Variants in ARHGAP17 observed in about 807,000 individuals in gnomAD.
ARHGAP17 encodes the protein rho GTPase-activating protein 17.
Under a neutral mutation model 99.5 loss-of-function variants are expected in ARHGAP17, and 57 were observed. The ratio of observed to expected loss-of-function variants is 0.57; its 90% CI spans 0.46 to 0.71. The LOEUF is 0.71. Ranked by LOEUF, ARHGAP17 falls within the 30% of genes least tolerant of loss-of-function variation. The probability of loss-of-function intolerance (pLI) is 0.00; values close to 1 mark genes in which losing one functional copy is unlikely to be tolerated. For missense variants in ARHGAP17, 1,000 were observed against 1,122.4 expected, an observed-to-expected ratio of 0.89 and a Z score of 1.56; for synonymous variants, 417 against 429.6, an observed-to-expected ratio of 0.97 and a Z score of 0.36.
At chr16:25,008,846 T>TC (rs35017622) in intron 1 of ARHGAP17, among the ~76,000 whole-genome samples, 6 of 152,168 alleles carry the variant, frequency 3.9e-5, no homozygotes, top group African/African-American at 1.2e-4. Flanking sequence ...GTTCATTTCT[T>TC]CCCCCCAGTA....
In ARHGAP17 at chr16:24,979,010, G is replaced by A; in HGVS notation, c.54-5C>T. 6.3e-7 allele frequency: 1 copy of A among 1,579,064 alleles called. No individual in the cohort carries two copies. Among genetic ancestry groups the A allele is most frequent in the South Asian group, 1.2e-5 (1 of 85,014 alleles). The stretch of plus-strand genomic sequence containing the variant: ...AGGACTTCTGTTTTCTCAGCTCTGT[G>A]GGAAAAATTAAAAATTCAGAGTTAG... On this transcript the variant is annotated splice_polypyrimidine_tract_variant and splice_region_variant and intron_variant, in intron 1 of 19. Coordinates refer to ENST00000289968, the MANE Select transcript of ARHGAP17 (RefSeq NM_001006634.3).
intron 7 of ARHGAP17, among the ~76,000 whole-genome samples, chr16:24,960,821 A>G (rs80140154): frequency 7.0e-4 from 103 of 146,268 alleles, no homozygotes; most frequent in African/African-American, 1.4e-3. Context: ...GTCTCCAAAG[A>G]AAAAAAAAAA....
At chr16:24,954,534 G>C in intron 10 of ARHGAP17, 69 bp downstream of exon 10, 1 of 1,544,744 alleles carries the variant, frequency 6.5e-7, no homozygotes, top group South Asian at 1.3e-5. Context: ...GGCTGGCGGG[G>C]AGCATGGTGC....
intron 3 of ARHGAP17, among the ~76,000 whole-genome samples, chr16:24,972,937 A>AT (rs11335814): frequency 0.033 from 4,842 of 147,476 alleles, 268 homozygotes; most frequent in African/African-American, 0.11. Flanking sequence ...ATCAGGGATA[A>AT]TTTTTTTTTT....
At chr16:24,926,134 A>AAAGAG (rs745544954) in intron 19 of ARHGAP17, among the ~76,000 whole-genome samples, 3,038 of 151,082 alleles carry the variant, frequency 0.02, 73 homozygotes, top group African/African-American at 0.059. Flanking sequence ...AAAGAAAAGA[A>AAAGAG]AAGAGAAGAG....
chr16:24,982,650 C>G (rs1257524292), intron 1 of ARHGAP17, among the ~76,000 whole-genome samples: 1 of 152,088 alleles, frequency 6.6e-6, no homozygotes, highest in Non-Finnish European at 1.5e-5. Flanking sequence ...TCTCCCTCAT[C>G]ACTGTGACTG....
rs191609057 is a variant in ARHGAP17, at chr16:24,930,258, T to C, written c.2515+526A>G. On this transcript the variant is annotated intron_variant, in intron 19 of 19. Transcript: ENST00000289968. ...AGATCTCCCTTCTGGAGCATTCAATTTGGCATAAATCATGTTTTTTAAAGT... is the reference window on the plus strand; with the variant it reads ...AGATCTCCCTTCTGGAGCATTCAATCTGGCATAAATCATGTTTTTTAAAGT... Among the ~76,000 whole-genome samples, 5 of 152,330 alleles carry C rather than the reference T, an allele frequency of 3.3e-5. No homozygotes were observed. The East Asian group carries it at 9.6e-4, about 29-fold the overall frequency.
intron 1 of ARHGAP17, among the ~76,000 whole-genome samples, chr16:25,013,507 A>C (rs918129252): frequency 6.6e-6 from 1 of 152,080 alleles, no homozygotes; most frequent in African/African-American, 2.4e-5. Context: ...TGTAGTTCCA[A>C]CCACATAGGT....
chr16:24,999,708 A>G (rs994625881), intron 1 of ARHGAP17, among the ~76,000 whole-genome samples: 1 of 152,142 alleles, frequency 6.6e-6, no homozygotes, highest in Non-Finnish European at 1.5e-5. Flanking sequence ...TGGGAGTCGC[A>G]TGTCCCACCT....
chr16:24,978,216 G>A, intron 2 of ARHGAP17, among the ~76,000 whole-genome samples: 1 of 152,150 alleles, frequency 6.6e-6, no homozygotes, highest in East Asian at 1.9e-4. Flanking sequence ...ATTTAATTTT[G>A]ATTCCAATTT....
chr16:24,988,262 A>G (rs2052933367), intron 1 of ARHGAP17, among the ~76,000 whole-genome samples: 1 of 152,226 alleles, frequency 6.6e-6, no homozygotes, highest in African/African-American at 2.4e-5. Context: ...TTTAAAAATG[A>G]AGCAATTTGT....
rs372881689 is a variant in ARHGAP17, at chr16:24,931,003, G to C, written c.2296C>G (p.Leu766Val). The C allele has an allele frequency of 6.2e-7, 1 of 1,613,784 alleles. No homozygotes were observed. The highest frequency in any genetic ancestry group is 8.5e-7 in the Non-Finnish European group (1 of 1,179,898). The change falls in exon 19 of 20, where the codon CTA becomes GTA. Residue 766 changes from leucine to valine, a missense_variant. By Grantham distance (32) the Leu-to-Val change is conservative. Transcript: ENST00000289968. ...GGCAGACTGGGGTTCTGTTTTCCTA[G>C]GGGCGGAGTACTGGGGGGCGTTGGA... The part of the protein sequence containing the change: ...QTPTPPSTPP[L>V]GKQNPSLPAP...
chr16:24,959,823 CA>C, intron 8 of ARHGAP17, 71 bp from the exon 9 acceptor site: 7 of 1,603,268 alleles, frequency 4.4e-6, no homozygotes, highest in Non-Finnish European at 6.0e-6. Flanking sequence ...AATGGCTGAG[CA>C]AAACTAAAAA....
At chr16:25,009,442 G>A (rs2053588341) in intron 1 of ARHGAP17, among the ~76,000 whole-genome samples, 1 of 152,048 alleles carries the variant, frequency 6.6e-6, no homozygotes, top group African/African-American at 2.4e-5. Context: ...AGTGGAGTGG[G>A]TGAGGGATGC....
chr16:24,935,337 G>C (rs1640378783), intron 18 of ARHGAP17, 133 bp downstream of exon 18: 1 of 1,130,248 alleles, frequency 8.8e-7, no homozygotes, highest in Non-Finnish European at 1.2e-6. Context: ...TTGAATGACT[G>C]AATTTTCTGC....
intron 14 of ARHGAP17, among the ~76,000 whole-genome samples, chr16:24,946,357 C>T (rs540756168): frequency 1.3e-5 from 2 of 151,844 alleles, no homozygotes; most frequent in South Asian, 4.2e-4. Flanking sequence ...CGATGGAAAC[C>T]AGGCCCTTTC....
intron 19 of ARHGAP17, among the ~76,000 whole-genome samples, chr16:24,926,138 AG>A (rs2050838121): frequency 1.1e-4 from 16 of 150,410 alleles, no homozygotes; most frequent in African/African-American, 3.9e-4. Flanking sequence ...AAAAGAAAAG[AG>A]AAGAGAAGAG....
chr16:24,923,727 T>A lies in ARHGAP17; in HGVS notation c.2516-3467A>T, dbSNP rs867360054. ...AGCAAGACCCTGTCTCTCTTTTTTTTAAAAAAAAAAAAAAAAAAAAAGAGA... is the reference window on the plus strand; with the variant it reads ...AGCAAGACCCTGTCTCTCTTTTTTTAAAAAAAAAAAAAAAAAAAAAAGAGA... On this transcript the variant is annotated intron_variant, in intron 19 of 19. Transcript: ENST00000289968. Among the ~76,000 whole-genome samples, 36 of 119,900 alleles carry A rather than the reference T, an allele frequency of 3.0e-4. 2 individuals are homozygous for A. In the South Asian group the frequency reaches 3.6e-3, roughly 12 times the overall value. The allele number at this position is 119,900 out of a possible 152,430, so 78.7% of individuals were successfully genotyped here.
chr16:25,009,364 CAA>C (rs113928999), intron 1 of ARHGAP17, among the ~76,000 whole-genome samples: 15,681 of 117,648 alleles, frequency 0.13, 2,898 homozygotes, highest in African/African-American at 0.41. Context: ...GAGACTCCGT[CAA>C]AAAAAAAAAA....
Sources: gnomAD v4.1 joint callset for allele counts (sites outside exome capture counted in the v4.1 genomes callset) on GRCh38, gnomAD v4.1.1 for gene constraint, MANE v1.5 for transcripts, NCBI Gene and HGNC (gene_info 2026-07-23, HGNC 2026-07-21) for gene names.